Variants in LCA5 observed in about 807,000 individuals in gnomAD.
The protein encoded by LCA5 is lebercilin.
LCA5 carries 37 observed loss-of-function variants against 53.0 expected under a neutral mutation model. The ratio of observed to expected loss-of-function variants is 0.70; its 90% CI spans 0.54 to 0.92. The LOEUF (loss-of-function observed/expected upper bound fraction) is 0.92, where lower values mean the gene tolerates loss of function less well. LCA5 is among the 40% of genes least tolerant of loss of function. The probability of loss-of-function intolerance (pLI) is 0.00; values close to 1 mark genes in which losing one functional copy is unlikely to be tolerated. For synonymous variants in LCA5, 303 were observed against 282.9 expected (o/e 1.07, Z -0.71); for missense variants, 806 against 790.5 (o/e 1.02, Z -0.23).
intron 3 of LCA5, among the ~76,000 whole-genome samples, chr6:79,505,078 G>A (rs1214580155): frequency 6.6e-6 from 1 of 152,208 alleles, no homozygotes; most frequent in East Asian, 1.9e-4. Flanking sequence ...CTATCCTTTT[G>A]TATTATTTGA....
At chr6:79,488,148 C>A in intron 7 of LCA5, 1 of 359,782 alleles carries the variant, frequency 2.8e-6, no homozygotes, top group East Asian at 6.2e-5. Context: ...TAATATAATG[C>A]TGTATGGTGG....
intron 1 of LCA5, 67 bp from the exon 2 acceptor site, chr6:79,519,152 T>A: frequency 2.0e-6 from 1 of 507,752 alleles, no homozygotes; most frequent in Non-Finnish European, 3.5e-6. Flanking sequence ...TTAATTACAA[T>A]GAAAGACACT....
At chr6:79,495,962 GT>G (rs1168725420) in intron 3 of LCA5, among the ~76,000 whole-genome samples, 7 of 152,048 alleles carry the variant, frequency 4.6e-5, no homozygotes, top group African/African-American at 1.7e-4. Context: ...CCAAACATCT[GT>G]ATCTGTCCCA....
At chr6:79,499,783 G>A (rs1386550818) in intron 3 of LCA5, among the ~76,000 whole-genome samples, 5 of 150,820 alleles carry the variant, frequency 3.3e-5, no homozygotes, top group African/African-American at 1.2e-4. Flanking sequence ...CCATGCTGGT[G>A]TGCTGCACCC....
chr6:79,491,499 T>C lies in LCA5; in HGVS notation c.1098+89A>G, dbSNP rs1769840610. 4.6e-5 allele frequency: 62 copies of C among 1,344,044 alleles called. No individual in the cohort carries two copies. The South Asian group carries it at 7.0e-4, about 15-fold the overall frequency. 83.3% of individuals were successfully genotyped at this position (1,344,044 alleles called of 1,614,324 possible). ...TATTCATATAGATATAGTACTAGCT[T>C]CATTACTGAAATTTTAAAATGTCTG... is the stretch of plus-strand genomic sequence containing the variant. On this transcript the variant is annotated intron_variant, in intron 6 of 7. Coordinates refer to ENST00000369846, the MANE Select transcript of LCA5 (RefSeq NM_001122769.3).
chr6:79,511,675 ATAT>A (rs1278211947), intron 3 of LCA5, among the ~76,000 whole-genome samples: 8 of 152,168 alleles, frequency 5.3e-5, no homozygotes, highest in Non-Finnish European at 8.8e-5. Context: ...CCTGGTTGTA[ATAT>A]TATAGTTACA....
chr6:79,528,304 G>A (rs1030151740), intron 1 of LCA5, among the ~76,000 whole-genome samples: 6 of 152,170 alleles, frequency 3.9e-5, no homozygotes, highest in East Asian at 1.9e-4. Context: ...GGGGGGCAGA[G>A]TTCAATAAGC....
At chr6:79,527,790 T>C (rs1827628) in intron 1 of LCA5, among the ~76,000 whole-genome samples, 1 of 151,978 alleles carries the variant, frequency 6.6e-6, no homozygotes, top group African/African-American at 2.4e-5. Context: ...CTTGGGTATA[T>C]GGGTTAAGAG....
chr6:79,497,668 C>T (rs1002324396), intron 3 of LCA5, among the ~76,000 whole-genome samples: 6 of 152,018 alleles, frequency 3.9e-5, no homozygotes, highest in Admixed American at 2.6e-4. Flanking sequence ...CACTGGAGAA[C>T]AGAAAGTACT....
At chr6:79,519,617 T>G (rs1267112230) in intron 1 of LCA5, among the ~76,000 whole-genome samples, 1 of 150,186 alleles carries the variant, frequency 6.7e-6, no homozygotes, top group Non-Finnish European at 1.5e-5. Flanking sequence ...CTCAGGAGGC[T>G]GAGGCAGGAG....
At chr6:79,494,001 C>T (rs1769912727) in intron 3 of LCA5, among the ~76,000 whole-genome samples, 1 of 152,096 alleles carries the variant, frequency 6.6e-6, no homozygotes, top group East Asian at 1.9e-4. Context: ...GATGGTGGCT[C>T]ATGCCTATAA....
At chr6:79,491,273 A>C (rs925489464) in intron 6 of LCA5, among the ~76,000 whole-genome samples, 2 of 151,996 alleles carry the variant, frequency 1.3e-5, no homozygotes, top group African/African-American at 4.8e-5. Context: ...AAGCCAAAGG[A>C]ATTTTAAATT....
chr6:79,489,069 A>T lies in LCA5; in HGVS notation c.1231+15T>A. On this transcript the variant is annotated intron_variant, in intron 7 of 7. Coordinates refer to ENST00000369846, the MANE Select transcript of LCA5 (RefSeq NM_001122769.3). ...TGCTGACTTGTCACATGCTTAAACA[A>T]ACTCTTTTTCTTACCATCCTCCAGC... is the stretch of plus-strand genomic sequence containing the variant. The T allele has an allele frequency of 6.2e-7, 1 of 1,612,568 alleles. No homozygotes were observed. The highest frequency in any genetic ancestry group is 1.1e-5 in the South Asian group (1 of 91,058).
At chr6:79,496,613 T>G (rs1315793340) in intron 3 of LCA5, among the ~76,000 whole-genome samples, 3 of 152,148 alleles carry the variant, frequency 2.0e-5, no homozygotes, top group African/African-American at 7.2e-5. Flanking sequence ...TATATAAAAT[T>G]CTTAAAATGC....
At chr6:79,535,412 T>C (rs1161497142) in intron 1 of LCA5, among the ~76,000 whole-genome samples, 8 of 152,170 alleles carry the variant, frequency 5.3e-5, no homozygotes, top group Non-Finnish European at 1.5e-5. Context: ...AGACAGTGTT[T>C]TGAAAGTAGT....
chr6:79,524,853 T>A (rs78980882), intron 1 of LCA5, among the ~76,000 whole-genome samples: 40 of 152,280 alleles, frequency 2.6e-4, no homozygotes, highest in African/African-American at 9.4e-4. Context: ...GAAATCTGTA[T>A]CTTTAAGCAC....
chr6:79,538,549 G>A (rs1390110278), upstream of LCA5, among the ~76,000 whole-genome samples: 5 of 152,172 alleles, frequency 3.3e-5, no homozygotes, highest in African/African-American at 2.4e-5. Context: ...TAAATTGCAC[G>A]GAATTACTTT....
Position 79,489,193 on chromosome 6 carries a change from G to C in LCA5, c.1122C>G (p.Asp374Glu), listed in dbSNP as rs775055144. The C allele has an allele frequency of 2.5e-6, 4 of 1,611,942 alleles. No individual in the cohort carries two copies. The highest frequency in any genetic ancestry group is 3.4e-6 in the Non-Finnish European group (4 of 1,179,574). The change falls in exon 7 of 8, where the codon GAC becomes GAG. Residue 374 changes from aspartate (D) to glutamate (E), a missense_variant. Transcript: ENST00000369846. ...TTAGAATCCCTGCTTCTCCATGCCT[G>C]TCTTGCTTTTGAGATTGCAAGTCCT... The part of the protein sequence containing the change: ...LTLDLQSQKQ[D>E]RHGEAGILNP...
chr6:79,492,181 A>C (rs1769862620), intron 5 of LCA5, among the ~76,000 whole-genome samples: 1 of 152,046 alleles, frequency 6.6e-6, no homozygotes, highest in South Asian at 2.1e-4. Context: ...AGAAAAGTAA[A>C]AAAACAGATG....
Sources: allele counts gnomAD v4.1 joint callset (sites outside exome capture counted in the v4.1 genomes callset), GRCh38; gene constraint gnomAD v4.1.1; transcripts MANE v1.5; gene names NCBI Gene and HGNC (gene_info 2026-07-23, HGNC 2026-07-21).